Variants in EYS observed in about 807,000 individuals in gnomAD.
EYS encodes EGF-like photoreceptor maintenance factor, also known as protein eyes shut homolog.
EYS carries 250 observed loss-of-function variants against 282.1 expected under a neutral mutation model. The observed-to-expected ratio is 0.89, with a 90% CI of 0.80 to 0.98. The LOEUF (loss-of-function observed/expected upper bound fraction) is 0.98. EYS is among the 50% of genes least tolerant of loss of function. EYS has a pLI of 0.00. For missense variants in EYS, 4,016 were observed against 3,709.0 expected (o/e 1.08, Z -2.15); for synonymous variants, 1,355 against 1,282.9 (o/e 1.06, Z -1.20).
At chr6:65,458,025 C>A (rs1340192310) in intron 5 of EYS, among the ~76,000 whole-genome samples, 1 of 152,088 alleles carries the variant, frequency 6.6e-6, no homozygotes, top group Non-Finnish European at 1.5e-5. Flanking sequence ...CATCCCTCCC[C>A]ACTCATAAAA....
intron 5 of EYS, among the ~76,000 whole-genome samples, chr6:65,447,339 T>TAC (rs1273318905): frequency 6.4e-5 from 9 of 141,480 alleles, no homozygotes; most frequent in Non-Finnish European, 1.3e-4. Context: ...TGTGTATATA[T>TAC]ATATATAAAT....
chr6:64,585,367 T>C (rs1054887777), intron 26 of EYS, among the ~76,000 whole-genome samples: 4 of 152,136 alleles, frequency 2.6e-5, no homozygotes, highest in African/African-American at 7.2e-5. Flanking sequence ...TATTGGATAC[T>C]ATGCTCACTA....
intron 2 of EYS, among the ~76,000 whole-genome samples, chr6:65,523,947 C>T (rs143677284): frequency 2.4e-4 from 36 of 152,326 alleles, no homozygotes; most frequent in African/African-American, 8.4e-4. Flanking sequence ...TCCCAGCTCA[C>T]TGCAAACTCC....
At chr6:64,379,212 T>C (rs1182130925) in intron 29 of EYS, among the ~76,000 whole-genome samples, 1 of 152,182 alleles carries the variant, frequency 6.6e-6, no homozygotes, top group African/African-American at 2.4e-5. Context: ...CTTAAGTCCT[T>C]AAATTTCACT....
At position 64,431,465 on chromosome 6, in the gene EYS, A is replaced by G. The variant is rs185338749; in HGVS notation, c.5927+4709T>C. Among the ~76,000 whole-genome samples the G allele has an allele frequency of 2.8e-3, 420 of 152,244 alleles. 3 individuals carry two copies. Among genetic ancestry groups the G allele is most frequent in the Admixed American group, 5.6e-3 (85 of 15,270 alleles). On this transcript the variant is annotated intron_variant, in intron 28 of 42. Transcript: ENST00000503581. ...AATTTAATCCATAAAAGAGCCCACTAATTTAATCCACACAGGTAAATCTCA... is the reference window on the plus strand; with the variant it reads ...AATTTAATCCATAAAAGAGCCCACTGATTTAATCCACACAGGTAAATCTCA...
At chr6:65,078,633 C>T (rs1321124217) in intron 12 of EYS, among the ~76,000 whole-genome samples, 3 of 151,992 alleles carry the variant, frequency 2.0e-5, no homozygotes, top group African/African-American at 7.2e-5. Context: ...GCATGCAAAT[C>T]AAGGTAATTG....
intron 6 of EYS, 39 bp from the exon 7 acceptor site, chr6:65,402,644 G>A (rs368786435): frequency 7.8e-6 from 11 of 1,411,878 alleles, no homozygotes; most frequent in African/African-American, 5.7e-5. Context: ...AAAGTATTAT[G>A]GATATTTCAA....
At chr6:63,916,732 T>C (rs1764432467) in intron 35 of EYS, among the ~76,000 whole-genome samples, 2 of 152,234 alleles carry the variant, frequency 1.3e-5, no homozygotes, top group Admixed American at 6.5e-5. Flanking sequence ...TTTGATGAAA[T>C]GCAATTATCT....
intron 12 of EYS, among the ~76,000 whole-genome samples, chr6:65,142,620 C>T (rs1288326551): frequency 6.6e-6 from 1 of 151,072 alleles, no homozygotes; most frequent in African/African-American, 2.4e-5. Flanking sequence ...TCTGTAATAT[C>T]TTTGCAACTT....
At chr6:64,745,368 A>G (rs956487379) in intron 22 of EYS, among the ~76,000 whole-genome samples, 2 of 152,198 alleles carry the variant, frequency 1.3e-5, no homozygotes, top group Non-Finnish European at 2.9e-5. Context: ...CAAAATAAAA[A>G]ATGCAGTTTA....
chr6:65,455,118 T>C (rs1393545672), intron 5 of EYS, among the ~76,000 whole-genome samples: 2 of 152,160 alleles, frequency 1.3e-5, no homozygotes, highest in African/African-American at 4.8e-5. Flanking sequence ...CAATACCAAT[T>C]CTTCCCATTT....
At chr6:65,279,076 T>C (rs1458490906) in intron 12 of EYS, among the ~76,000 whole-genome samples, 1 of 151,950 alleles carries the variant, frequency 6.6e-6, no homozygotes, top group Non-Finnish European at 1.5e-5. Flanking sequence ...TAGTCCTAGC[T>C]AATCAGGAGG....
chr6:65,614,531 T>C (rs565440594), intron 2 of EYS, among the ~76,000 whole-genome samples: 11 of 152,178 alleles, frequency 7.2e-5, no homozygotes, highest in Non-Finnish European at 1.5e-4. Context: ...CAGAAGAAAG[T>C]ACAATAAACC....
At chr6:64,619,685 T>A (rs1384501809) in intron 23 of EYS, among the ~76,000 whole-genome samples, 1 of 152,114 alleles carries the variant, frequency 6.6e-6, no homozygotes, top group East Asian at 1.9e-4. Flanking sequence ...TTGTTTTGTT[T>A]TGTTTTTGAG....
chr6:64,593,027 A>C, intron 25 of EYS, 90 bp downstream of exon 25: 1 of 1,006,588 alleles, frequency 9.9e-7, no homozygotes, highest in South Asian at 2.2e-5. Context: ...TCTCAGAAAA[A>C]AAAAAGATTT....
chr6:64,853,291 G>C (rs895260070), intron 19 of EYS, among the ~76,000 whole-genome samples: 2 of 152,148 alleles, frequency 1.3e-5, no homozygotes, highest in Non-Finnish European at 2.9e-5. Context: ...ACAGTACACT[G>C]TGTAACTGTC....
At chr6:64,687,102 TC>T (rs1770177091) in intron 22 of EYS, among the ~76,000 whole-genome samples, 1 of 151,370 alleles carries the variant, frequency 6.6e-6, no homozygotes, top group Admixed American at 6.6e-5. Flanking sequence ...ACTGGCATAT[TC>T]TATGAAACAT....
At chr6:64,879,794 TA>T (rs1562240025) in intron 19 of EYS, among the ~76,000 whole-genome samples, 2 of 152,034 alleles carry the variant, frequency 1.3e-5, no homozygotes, top group South Asian at 2.1e-4. Flanking sequence ...CATATTTGGT[TA>T]GGGGGATAGG....
intron 13 of EYS, among the ~76,000 whole-genome samples, chr6:65,036,869 A>G (rs1264002046): frequency 1.3e-5 from 2 of 152,012 alleles, no homozygotes; most frequent in Admixed American, 1.3e-4. Context: ...TGGGAATATA[A>G]GTTAGTCCTG....
Sources: gnomAD v4.1 joint callset for allele counts (sites outside exome capture counted in the v4.1 genomes callset) on GRCh38, gnomAD v4.1.1 for gene constraint, MANE v1.5 for transcripts, NCBI Gene and HGNC (gene_info 2026-07-23, HGNC 2026-07-21) for gene names.